CEP128: variants seen among roughly 807,000 people sequenced by gnomAD.
CEP128 encodes the protein centrosomal protein 128kDa.
CEP128 carries 132 observed loss-of-function variants against 156.7 expected under a neutral mutation model. The observed-to-expected ratio is 0.84, with a 90% CI of 0.73 to 0.97. CEP128 has a LOEUF of 0.97. Among genes scored for constraint, CEP128 ranks in the 50% least tolerant of loss-of-function variants. The pLI, the probability that CEP128 is intolerant of heterozygous loss-of-function variation, is 0.00. For missense variants in CEP128, 1,252 were observed against 1,281.9 expected (o/e 0.98, Z 0.36); for synonymous variants, 469 against 448.9 (o/e 1.04, Z -0.57).
intron 19 of CEP128, among the ~76,000 whole-genome samples, chr14:80,623,599 T>C (rs1396450231): frequency 6.6e-6 from 1 of 151,816 alleles, no homozygotes; most frequent in Non-Finnish European, 1.5e-5. Flanking sequence ...TAAAAATATA[T>C]ATTTGCCAAT....
At chr14:80,621,632 G>C (rs1039910164) in intron 19 of CEP128, among the ~76,000 whole-genome samples, 1 of 152,018 alleles carries the variant, frequency 6.6e-6, no homozygotes, top group Non-Finnish European at 1.5e-5. Context: ...GACTAAAAAG[G>C]GGGTACGGTC....
intron 21 of CEP128, among the ~76,000 whole-genome samples, chr14:80,541,250 T>C (rs1889743692): frequency 1.3e-5 from 2 of 152,048 alleles, no homozygotes; most frequent in African/African-American, 2.4e-5. Context: ...GTTCTTCCTA[T>C]AGCAGGTTAG....
chr14:80,556,219 A>G (rs1300611684), intron 21 of CEP128, among the ~76,000 whole-genome samples: 1 of 152,136 alleles, frequency 6.6e-6, no homozygotes, highest in Non-Finnish European at 1.5e-5. Flanking sequence ...AGATGGTTAG[A>G]GCTTCTGTGA....
upstream of CEP128, among the ~76,000 whole-genome samples, chr14:80,944,059 AGACAAAATGAGTTAAAGCC>A (rs1222410311): frequency 3.3e-5 from 5 of 152,256 alleles, no homozygotes; most frequent in South Asian, 2.1e-4. Context: ...TTAACAAAAT[AGACAAAATGAGTTAAAGCC>A]GACAAAATGA....
At chr14:80,582,868 T>G (rs1226840361) in intron 19 of CEP128, among the ~76,000 whole-genome samples, 1 of 152,096 alleles carries the variant, frequency 6.6e-6, no homozygotes, top group Non-Finnish European at 1.5e-5. Flanking sequence ...GCTGGGCACT[T>G]TGTAATGAAT....
chr14:80,838,110 A>T (rs1886174721), intron 11 of CEP128, 94 bp downstream of exon 11: 1 of 834,264 alleles, frequency 1.2e-6, no homozygotes, highest in East Asian at 2.5e-5. Flanking sequence ...TTCTAGACCT[A>T]GTTCTTTTTT....
intron 16 of CEP128, among the ~76,000 whole-genome samples, chr14:80,770,937 A>T (rs1210652200): frequency 1.3e-5 from 2 of 152,196 alleles, no homozygotes; most frequent in African/African-American, 4.8e-5. Context: ...AATACCTCTT[A>T]GTCAAAAATG....
At chr14:80,815,862 G>A (rs1268110442) in intron 13 of CEP128, among the ~76,000 whole-genome samples, 1 of 152,192 alleles carries the variant, frequency 6.6e-6, no homozygotes, top group Non-Finnish European at 1.5e-5. Flanking sequence ...TCATTTATAC[G>A]TGGAAGGTAA....
At chr14:80,889,266 T>C (rs1476951922) in intron 8 of CEP128, among the ~76,000 whole-genome samples, 1 of 152,140 alleles carries the variant, frequency 6.6e-6, no homozygotes, top group Non-Finnish European at 1.5e-5. Context: ...CTTCACAGAA[T>C]TAGAAAAACT....
At chr14:80,501,928 C>T (rs748822442) in intron 24 of CEP128, among the ~76,000 whole-genome samples, 1 of 152,044 alleles carries the variant, frequency 6.6e-6, no homozygotes, top group Non-Finnish European at 1.5e-5. Context: ...ATCATTGCCA[C>T]GGCAACACGA....
intron 19 of CEP128, among the ~76,000 whole-genome samples, chr14:80,695,533 T>C (rs535904998): frequency 6.6e-6 from 1 of 151,988 alleles, no homozygotes; most frequent in East Asian, 1.9e-4. Context: ...CTGGCCAACA[T>C]GGTGAAACCC....
chr14:80,953,237 A>G (rs908788945), intron 2 of CEP128, among the ~76,000 whole-genome samples: 5 of 152,386 alleles, frequency 3.3e-5, no homozygotes, highest in African/African-American at 1.2e-4. Flanking sequence ...GTGAACGTCT[A>G]TGTAAAACTT....
At chr14:80,533,298 C>T (rs1156741419) in intron 21 of CEP128, among the ~76,000 whole-genome samples, 1 of 152,024 alleles carries the variant, frequency 6.6e-6, no homozygotes, top group Non-Finnish European at 1.5e-5. Flanking sequence ...AAACACACTC[C>T]AATAATATCT....
chr14:80,575,508 G>A lies in CEP128; in HGVS notation c.2856+4866C>T, dbSNP rs117248151. Reference sequence around the variant, plus strand: ...TAAATTTCAGAGTTGACCATGGCAGGGGGGAAGGTAAGAGAAAGGGCAAGG... The same window carrying A: ...TAAATTTCAGAGTTGACCATGGCAGAGGGGAAGGTAAGAGAAAGGGCAAGG... On this transcript the variant is annotated intron_variant, in intron 20 of 24. Coordinates refer to ENST00000555265, the MANE Select transcript of CEP128 (RefSeq NM_152446.5). Among the ~76,000 whole-genome samples, 184 of 152,240 alleles carry A rather than the reference G, an allele frequency of 1.2e-3. 2 individuals are homozygous for A. Among genetic ancestry groups the A allele is most frequent in the Middle Eastern group, 3.4e-3 (1 of 294 alleles).
At position 80,626,336 on chromosome 14, in the gene CEP128, C is replaced by T. The variant is rs566091312; in HGVS notation, c.2807-45913G>A. Among the ~76,000 whole-genome samples the T allele has an allele frequency of 9.2e-5, 14 of 151,356 alleles. No individual in the cohort carries two copies. The South Asian group carries it at 1.3e-3, about 14-fold the overall frequency. ...AAAATTAGCCGGGCGCGGTGGCGGG[C>T]GCCTGTAGTCCCAGCTACTCGGGAG... On this transcript the variant is annotated intron_variant, in intron 19 of 24. Coordinates refer to ENST00000555265, the MANE Select transcript of CEP128 (RefSeq NM_152446.5).
intron 7 of CEP128, among the ~76,000 whole-genome samples, chr14:80,897,747 AG>A (rs2139406483): frequency 6.6e-6 from 1 of 152,052 alleles, no homozygotes; most frequent in South Asian, 2.1e-4. Context: ...CTCATATACT[AG>A]TGCAACAGAC....
At chr14:80,647,505 T>C (rs1209126732) in intron 19 of CEP128, among the ~76,000 whole-genome samples, 2 of 152,110 alleles carry the variant, frequency 1.3e-5, no homozygotes, top group Non-Finnish European at 2.9e-5. Flanking sequence ...ATTTTTAAAA[T>C]AGACTCTATA....
In CEP128 at chr14:80,773,174, C is replaced by A. The variant is rs192259136; in HGVS notation, c.2376+4708G>T. 3.9e-5 allele frequency among the ~76,000 whole-genome samples: 6 copies of A among 152,224 alleles called. No individual in the cohort carries two copies. The East Asian group carries it at 1.2e-3, about 29-fold the overall frequency. On this transcript the variant is annotated intron_variant, in intron 16 of 24. Transcript: ENST00000555265. ...AAGATATTCTATATACCTATAATTT[C>A]TCAGATTCTTGTATATATAAAATGA...
At chr14:80,648,580 T>C (rs1006553887) in intron 19 of CEP128, among the ~76,000 whole-genome samples, 3 of 152,066 alleles carry the variant, frequency 2.0e-5, no homozygotes, top group Non-Finnish European at 4.4e-5. Context: ...AATAAAAATA[T>C]ACTAATAAAA....
Sources: allele counts gnomAD v4.1 joint callset (sites outside exome capture counted in the v4.1 genomes callset), GRCh38; gene constraint gnomAD v4.1.1; transcripts MANE v1.5; gene names NCBI Gene and HGNC (gene_info 2026-07-23, HGNC 2026-07-21).